Variants in LANCL3 observed in about 807,000 individuals in gnomAD.
The protein encoded by LANCL3 is LanC like family member 3.
In LANCL3, 19 loss-of-function variants were observed where a neutral mutation model predicts 26.5. The observed-to-expected ratio is 0.72, with a 90% CI of 0.50 to 1.05. The LOEUF (loss-of-function observed/expected upper bound fraction) is 1.05. Ranked by LOEUF, LANCL3 falls within the 50% of genes least tolerant of loss-of-function variation. The pLI is 0.00. For missense variants in LANCL3, 318 were observed against 362.7 expected (o/e 0.88, Z 1.00); for synonymous variants, 160 against 166.6 (o/e 0.96, Z 0.30).
chrX:37,591,361 A>G (rs1246431519), intron 1 of LANCL3, among the ~76,000 whole-genome samples: 10 of 111,690 alleles, frequency 9.0e-5, no homozygotes, highest in Non-Finnish European at 1.7e-4. Flanking sequence ...GGTTCTAGGC[A>G]TCTCTGGTGT....
At chrX:37,641,977 A>G (rs1556425951) in intron 1 of LANCL3, among the ~76,000 whole-genome samples, 1 of 111,639 alleles carries the variant, frequency 9.0e-6, no homozygotes, top group African/African-American at 3.3e-5. Flanking sequence ...ATGGTGACGG[A>G]TTGGAGGGTG....
intron 1 of LANCL3, among the ~76,000 whole-genome samples, chrX:37,635,392 G>A (rs1272718063): frequency 2.7e-5 from 3 of 111,919 alleles, no homozygotes; most frequent in Non-Finnish European, 3.8e-5. Context: ...TAAATATGCT[G>A]TAACATGAAT....
At chrX:37,623,516 A>G (rs1197574460) in intron 1 of LANCL3, among the ~76,000 whole-genome samples, 1 of 112,200 alleles carries the variant, frequency 8.9e-6, no homozygotes, top group African/African-American at 3.2e-5. Context: ...TAATCACTAC[A>G]TCATTGTTTT....
intron 3 of LANCL3, among the ~76,000 whole-genome samples, chrX:37,659,895 T>C (rs73470199): frequency 0.018 from 2,017 of 111,748 alleles, 43 homozygotes; most frequent in African/African-American, 0.061. Context: ...TAAACTAACA[T>C]TGTCCAATAG....
chrX:37,633,702 C>A (rs980406488), intron 1 of LANCL3, among the ~76,000 whole-genome samples: 1 of 111,650 alleles, frequency 9.0e-6, no homozygotes, highest in African/African-American at 3.3e-5. Flanking sequence ...CACTCCAGAC[C>A]CTGTTTGCCT....
intron 1 of LANCL3, among the ~76,000 whole-genome samples, chrX:37,646,450 T>C (rs1556426936): frequency 8.9e-6 from 1 of 112,638 alleles, no homozygotes; most frequent in African/African-American, 3.2e-5. Context: ...CTCTTTCTTG[T>C]AACCTAGTGG....
intron 3 of LANCL3, among the ~76,000 whole-genome samples, chrX:37,666,340 A>G (rs782567578): frequency 8.9e-6 from 1 of 112,230 alleles, no homozygotes; most frequent in Non-Finnish European, 1.9e-5. Context: ...TCTACCAGAC[A>G]GAGTGTGAGT....
chrX:37,607,413 C>T (rs959305396), intron 1 of LANCL3, among the ~76,000 whole-genome samples: 2 of 112,129 alleles, frequency 1.8e-5, no homozygotes, highest in African/African-American at 3.2e-5. Flanking sequence ...CACAGGTTTG[C>T]GTGTCACATT....
chrX:37,662,475 T>C (rs782607953), intron 3 of LANCL3, among the ~76,000 whole-genome samples: 19 of 111,679 alleles, frequency 1.7e-4, no homozygotes, highest in Non-Finnish European at 3.6e-4. Flanking sequence ...GCTTTTGCAG[T>C]GCAGATATCG....
At chrX:37,662,040 A>G (rs1926434542) in intron 3 of LANCL3, among the ~76,000 whole-genome samples, 1 of 112,385 alleles carries the variant, frequency 8.9e-6, no homozygotes, top group Non-Finnish European at 1.9e-5. Context: ...CTGTGAAATG[A>G]GCACTTTGAG....
chrX:37,600,858 G>A (rs920335070), intron 1 of LANCL3, among the ~76,000 whole-genome samples: 2 of 111,321 alleles, frequency 1.8e-5, no homozygotes, highest in African/African-American at 6.5e-5. Context: ...TTGTAAGGTC[G>A]CCTGTCTGAC....
At chrX:37,669,044 G>A (rs897341822) in intron 4 of LANCL3, among the ~76,000 whole-genome samples, 1 of 111,798 alleles carries the variant, frequency 8.9e-6, no homozygotes, top group Admixed American at 9.5e-5. Flanking sequence ...AATGTTCATT[G>A]TTATTAGTAT....
chrX:37,597,308 C>T (rs1924458624), intron 1 of LANCL3, among the ~76,000 whole-genome samples: 1 of 111,820 alleles, frequency 8.9e-6, no homozygotes, highest in Admixed American at 9.5e-5. Flanking sequence ...TTTGAATAAT[C>T]CTGATCATTT....
At chrX:37,652,027 A>G (rs186245039) in intron 1 of LANCL3, among the ~76,000 whole-genome samples, 1 of 81,205 alleles carries the variant, frequency 1.2e-5, no homozygotes, top group Admixed American at 1.4e-4. Flanking sequence ...TGACAGCTTC[A>G]TTTTTTTTTT....
intron 1 of LANCL3, among the ~76,000 whole-genome samples, chrX:37,646,651 AGGATCATCTTCTGCTGTTTCATGTG>A (rs1344211432): frequency 2.7e-5 from 3 of 112,158 alleles, no homozygotes; most frequent in Non-Finnish European, 3.8e-5. Flanking sequence ...TAGGAAACTC[AGGATCATCTTCTGCTGTTTCATGTG>A]GGACAGGCCA....
At chrX:37,603,553 A>G (rs1437781210) in intron 1 of LANCL3, among the ~76,000 whole-genome samples, 1 of 107,692 alleles carries the variant, frequency 9.3e-6, no homozygotes, top group Non-Finnish European at 1.9e-5. Context: ...TGTTCAATGA[A>G]TTGATGAATG....
chrX:37,677,136 T>TTGTGTGTGTGTGTGTG lies in LANCL3; in HGVS notation c.*1324_*1325insGTGTGTGTGTGTGTGT, dbSNP rs1164318788. 2.7e-5 allele frequency: 2 copies of TTGTGTGTGTGTGTGTG among 73,754 alleles called. No individual in the cohort carries two copies. The highest frequency in any genetic ancestry group is 2.3e-4 in the African/African-American group (2 of 8,835). The allele number at this position is 73,754 out of a possible 1,213,427, so 6.1% of individuals were successfully genotyped here. The stretch of plus-strand genomic sequence containing the variant: ...AATAGTCATTAAATATTTGGATATA[T>TTGTGTGTGTGTGTGTG]TATGTGTGTGTGTGTGTGTGTGTGT... On this transcript the variant is annotated 3_prime_UTR_variant, in exon 5 of 5. Transcript: ENST00000378619.
At chrX:37,665,248 A>C (rs2146789049) in intron 3 of LANCL3, among the ~76,000 whole-genome samples, 1 of 112,050 alleles carries the variant, frequency 8.9e-6, no homozygotes, top group South Asian at 3.7e-4. Flanking sequence ...GATTTGTAAA[A>C]CCATCCATAA....
At chrX:37,638,459 A>G (rs782267000) in intron 1 of LANCL3, among the ~76,000 whole-genome samples, 6 of 111,302 alleles carry the variant, frequency 5.4e-5, no homozygotes, top group Non-Finnish European at 1.1e-4. Context: ...TTCTATTTCC[A>G]ATAGTCTTAG....
Sources: gnomAD v4.1 joint callset for allele counts (sites outside exome capture counted in the v4.1 genomes callset) on GRCh38, gnomAD v4.1.1 for gene constraint, MANE v1.5 for transcripts, NCBI Gene and HGNC (gene_info 2026-07-23, HGNC 2026-07-21) for gene names.